CNBD1: variants seen among roughly 807,000 people sequenced by gnomAD.
CNBD1 encodes cyclic nucleotide binding domain containing 1, also known as cyclic nucleotide-binding domain-containing protein 1.
CNBD1 carries 71 observed loss-of-function variants against 54.4 expected under a neutral mutation model. The ratio of observed to expected loss-of-function variants is 1.30; its 90% CI spans 1.08 to 1.59. CNBD1 has a LOEUF of 1.59. Among genes scored for constraint, CNBD1 ranks in the 40% most tolerant of loss-of-function variants. CNBD1 has a pLI of 0.00. For synonymous variants in CNBD1, 182 were observed against 170.7 expected (o/e 1.07, Z -0.51); for missense variants, 659 against 518.0 (o/e 1.27, Z -2.64).
At chr8:87,062,678 C>T (rs141595362) in intron 4 of CNBD1, among the ~76,000 whole-genome samples, 25 of 151,356 alleles carry the variant, frequency 1.7e-4, no homozygotes, top group African/African-American at 5.6e-4. Flanking sequence ...GCAGCGATTG[C>T]GGTGAGCCAA....
chr8:87,127,827 C>A (rs1169093064), intron 4 of CNBD1, among the ~76,000 whole-genome samples: 2 of 151,962 alleles, frequency 1.3e-5, no homozygotes, highest in African/African-American at 4.8e-5. Context: ...GGATGGTTCC[C>A]CAGCAAAGGC....
intron 4 of CNBD1, among the ~76,000 whole-genome samples, chr8:87,112,024 G>A (rs1360183558): frequency 1.3e-5 from 2 of 152,106 alleles, no homozygotes; most frequent in Non-Finnish European, 1.5e-5. Context: ...TATTGTTTCC[G>A]TAAACAGATT....
At chr8:86,927,814 G>A (rs1809388818) in intron 3 of CNBD1, among the ~76,000 whole-genome samples, 1 of 152,142 alleles carries the variant, frequency 6.6e-6, no homozygotes, top group African/African-American at 2.4e-5. Flanking sequence ...AGGATAAGCT[G>A]TAGGAGCCTT....
intron 4 of CNBD1, among the ~76,000 whole-genome samples, chr8:87,053,517 A>AG (rs897663264): frequency 6.6e-6 from 1 of 152,208 alleles, no homozygotes. Context: ...CCCAGCATGG[A>AG]GAAAAAGACA....
At chr8:86,959,509 T>C (rs1187930814) in intron 4 of CNBD1, among the ~76,000 whole-genome samples, 1 of 152,208 alleles carries the variant, frequency 6.6e-6, no homozygotes, top group African/African-American at 2.4e-5. Flanking sequence ...ATTTGGTCTT[T>C]TCACATAGTC....
intron 10 of CNBD1, among the ~76,000 whole-genome samples, chr8:87,382,194 C>G (rs1435141262): frequency 2.0e-5 from 3 of 151,838 alleles, no homozygotes; most frequent in African/African-American, 7.2e-5. Flanking sequence ...TAGCTCTGTT[C>G]AGCATTTTGG....
chr8:87,428,146 CA>C (rs1238741984), intron 2 of CNBD1, among the ~76,000 whole-genome samples: 2 of 135,416 alleles, frequency 1.5e-5, no homozygotes, highest in African/African-American at 5.4e-5. Context: ...AAAAAAAAGG[CA>C]AAAAAAGAAA....
intron 4 of CNBD1, among the ~76,000 whole-genome samples, chr8:87,022,192 A>G (rs1809503729): frequency 6.6e-6 from 1 of 152,230 alleles, no homozygotes; most frequent in Non-Finnish European, 1.5e-5. Flanking sequence ...CAAGGAAGCA[A>G]CGGGCAACAC....
Position 87,139,475 on chromosome 8 carries a change from C to T in CNBD1, c.432-66518C>T, listed in dbSNP as rs183147685. On this transcript the variant is annotated intron_variant, in intron 4 of 10. Coordinates refer to ENST00000518476, the MANE Select transcript of CNBD1 (RefSeq NM_173538.3). ...GAACCCAGGAAGCCAGTGCAGTCCT[C>T]GTTTCATATTTCCCTGTGCCATGTG... Among the ~76,000 whole-genome samples, 289 of 152,262 alleles carry T rather than the reference C, an allele frequency of 1.9e-3. 1 individual carries two copies. The highest frequency in any genetic ancestry group is 6.8e-3 in the Middle Eastern group (2 of 294).
rs572159189 is a variant in CNBD1, at chr8:87,359,868, C to A, written c.1303+6082C>A. Among the ~76,000 whole-genome samples the A allele has an allele frequency of 5.3e-5, 8 of 152,026 alleles. No individual in the cohort carries two copies. In the East Asian group the frequency reaches 1.5e-3, roughly 29 times the overall value. The stretch of plus-strand genomic sequence containing the variant: ...AATAATTTAAATTTGAGAAAGTCCA[C>A]TAAAAATAAACAAAAATAAATAAAA... On this transcript the variant is annotated intron_variant, in intron 10 of 10. Transcript: ENST00000518476.
At chr8:87,236,888 A>C in intron 5 of CNBD1, 31 bp from the exon 6 acceptor site, 3 of 1,418,578 alleles carry the variant, frequency 2.1e-6, no homozygotes, top group Non-Finnish European at 2.9e-6. Flanking sequence ...CTGAGCACAC[A>C]GTATATATTT....
chr8:86,946,535 G>T (rs769037205), intron 4 of CNBD1, among the ~76,000 whole-genome samples: 1 of 151,966 alleles, frequency 6.6e-6, no homozygotes, highest in Non-Finnish European at 1.5e-5. Context: ...CTTGTTTTCG[G>T]TGACATAGTT....
chr8:86,951,658 T>G (rs2130448927), intron 4 of CNBD1, among the ~76,000 whole-genome samples: 1 of 148,380 alleles, frequency 6.7e-6, no homozygotes, highest in African/African-American at 2.5e-5. Context: ...TTTTAAATTA[T>G]TTTATTTTTA....
At chr8:87,232,658 T>C (rs1807468778) in intron 5 of CNBD1, among the ~76,000 whole-genome samples, 1 of 152,156 alleles carries the variant, frequency 6.6e-6, no homozygotes, top group South Asian at 2.1e-4. Flanking sequence ...TAAATACTTG[T>C]CAATGTTGTG....
Position 87,103,534 on chromosome 8 carries a change from C to T in CNBD1, c.432-102459C>T, listed in dbSNP as rs116083402. Among the ~76,000 whole-genome samples the T allele has an allele frequency of 2.6e-3, 394 of 152,294 alleles. 1 individual carries two copies. Among genetic ancestry groups the T allele is most frequent in the African/African-American group, 9.2e-3 (382 of 41,562 alleles). On this transcript the variant is annotated intron_variant, in intron 4 of 10. Transcript: ENST00000518476. Reference sequence around the variant, plus strand: ...GGCTAGAGAGGCCTCAGAAAACTTACAGTCACGGCAGAAGGGGAAGCAAAT... The same window carrying T: ...GGCTAGAGAGGCCTCAGAAAACTTATAGTCACGGCAGAAGGGGAAGCAAAT...
chr8:86,941,292 A>G (rs1011781055), intron 4 of CNBD1, among the ~76,000 whole-genome samples: 15 of 152,238 alleles, frequency 9.9e-5, no homozygotes, highest in African/African-American at 3.6e-4. Context: ...ATTCAACTAG[A>G]ATATGCTCAC....
chr8:87,046,863 G>A (rs1007583751), intron 4 of CNBD1, among the ~76,000 whole-genome samples: 10 of 152,126 alleles, frequency 6.6e-5, no homozygotes, highest in South Asian at 2.1e-4. Context: ...GCCCACTAGT[G>A]TGTAGGTTAT....
At chr8:87,116,243 C>T (rs1811766191) in intron 4 of CNBD1, among the ~76,000 whole-genome samples, 1 of 129,942 alleles carries the variant, frequency 7.7e-6, no homozygotes, top group Non-Finnish European at 1.6e-5. Flanking sequence ...GCTTCGTCAC[C>T]TAGGCTGGAG....
intron 2 of CNBD1, among the ~76,000 whole-genome samples, chr8:87,389,786 C>T (rs892823125): frequency 6.6e-6 from 1 of 152,120 alleles, no homozygotes. Context: ...GCCCGCATTG[C>T]CCAGTCAATC....
Sources: allele counts gnomAD v4.1 joint callset (sites outside exome capture counted in the v4.1 genomes callset), GRCh38; gene constraint gnomAD v4.1.1; transcripts MANE v1.5; gene names NCBI Gene and HGNC (gene_info 2026-07-23, HGNC 2026-07-21).